The following MYH11 variants were observed in gnomAD, a reference collection of about 807,000 sequenced individuals.
MYH11 encodes myosin heavy chain 11.
MYH11 carries 80 observed loss-of-function variants against 246.6 expected under a neutral mutation model. That is an observed-to-expected ratio of 0.32 (90% CI 0.27 to 0.39). MYH11 has a LOEUF of 0.39. Ranked by LOEUF, MYH11 falls within the 10% of genes least tolerant of loss-of-function variation. The probability of loss-of-function intolerance (pLI) is 1.00; values close to 1 mark genes in which losing one functional copy is unlikely to be tolerated. For synonymous variants in MYH11, 1,071 were observed against 1,015.5 expected (o/e 1.05, Z -1.04); for missense variants, 2,158 against 2,546.8 (o/e 0.85, Z 3.29).
chr16:15,817,519 A>AGG (rs144792783), intron 3 of MYH11, among the ~76,000 whole-genome samples: 4 of 152,108 alleles, frequency 2.6e-5, no homozygotes, highest in African/African-American at 7.2e-5. Flanking sequence ...TCAAAAAAAA[A>AGG]GGGGGGGAGA....
At chr16:15,792,017 T>C (rs987115387) in intron 4 of MYH11, 2 of 152,204 alleles carry the variant, frequency 1.3e-5, no homozygotes, top group Non-Finnish European at 2.9e-5. Flanking sequence ...AACATTTATA[T>C]AAAATGCTTA....
chr16:15,827,853 G>T lies in MYH11; in HGVS notation c.346-4442C>A, dbSNP rs1366559220. 3.3e-5 allele frequency among the ~76,000 whole-genome samples: 5 copies of T among 152,178 alleles called. No individual in the cohort carries two copies. In the South Asian group the frequency reaches 1.0e-3, roughly 32 times the overall value. On this transcript the variant is annotated intron_variant, in intron 2 of 40. Transcript: ENST00000300036. ...CCAGGGGCTATTTCCTGTTCAATCAGTGTCCCCTGTCCCCAGGACAAGCCT... is the reference window on the plus strand; with the variant it reads ...CCAGGGGCTATTTCCTGTTCAATCATTGTCCCCTGTCCCCAGGACAAGCCT...
chr16:15,721,228 C>A (rs894807080), intron 32 of MYH11, 177 bp from the exon 33 acceptor site: 2 of 932,630 alleles, frequency 2.1e-6, no homozygotes, highest in Non-Finnish European at 3.3e-6. Context: ...ATCCTCGGAC[C>A]CCCCAACTCA....
intron 4 of MYH11, among the ~76,000 whole-genome samples, chr16:15,796,882 A>G (rs996113862): frequency 6.6e-6 from 1 of 152,210 alleles, no homozygotes; most frequent in African/African-American, 2.4e-5. Flanking sequence ...TTGTTTTAGC[A>G]TTTATATCCT....
intron 9 of MYH11, among the ~76,000 whole-genome samples, chr16:15,767,615 C>A (rs905487335): frequency 6.6e-5 from 10 of 152,108 alleles, no homozygotes; most frequent in Admixed American, 1.3e-4. Flanking sequence ...AACCACCGCG[C>A]CCAGCCTGAA....
chr16:15,746,813 C>T (rs1407331023), intron 19 of MYH11, among the ~76,000 whole-genome samples: 2 of 152,160 alleles, frequency 1.3e-5, no homozygotes, highest in South Asian at 2.1e-4. Flanking sequence ...CTAGGCTGGG[C>T]GCAGTGGGTC....
rs573324211 is a variant in MYH11, at chr16:15,854,762, C to T, written c.-18+2179G>A. On this transcript the variant is annotated intron_variant, in intron 1 of 40. Transcript: ENST00000300036. ...CTATATATCTGCTCTTGGAATTACACGCTTGTGCCTAACGTGGAAGACCCA... is the reference window on the plus strand; with the variant it reads ...CTATATATCTGCTCTTGGAATTACATGCTTGTGCCTAACGTGGAAGACCCA... 3.9e-5 allele frequency among the ~76,000 whole-genome samples: 6 copies of T among 152,266 alleles called. No homozygotes were observed. The East Asian group carries it at 9.7e-4, about 25-fold the overall frequency.
chr16:15,798,796 G>T, intron 3 of MYH11, 109 bp from the exon 4 acceptor site: 1 of 1,194,790 alleles, frequency 8.4e-7, no homozygotes, highest in Non-Finnish European at 1.2e-6. Context: ...TCTCCATGCT[G>T]GCCTCATTGG....
At chr16:15,740,804 A>G (rs961968574) in intron 22 of MYH11, among the ~76,000 whole-genome samples, 2 of 152,170 alleles carry the variant, frequency 1.3e-5, no homozygotes, top group African/African-American at 4.8e-5. Flanking sequence ...TAACAACAAC[A>G]ACAAAAATCA....
intron 40 of MYH11, among the ~76,000 whole-genome samples, chr16:15,705,482 C>T (rs1488457992): frequency 6.6e-6 from 1 of 152,204 alleles, no homozygotes; most frequent in East Asian, 1.9e-4. Flanking sequence ...CCAGCCTTCA[C>T]CGTTCAGAAG....
At chr16:15,842,762 CAAAAAAAAAAAAAAAA>C (rs757920488) in intron 1 of MYH11, among the ~76,000 whole-genome samples, 5 of 19,642 alleles carry the variant, frequency 2.5e-4, no homozygotes, top group Admixed American at 2.4e-3. Flanking sequence ...AGACTTCATC[CAAAAAAAAAAAAAAAA>C]AAAAAAAAAA....
chr16:15,757,318 G>C (rs923865877), intron 13 of MYH11, among the ~76,000 whole-genome samples: 2 of 150,480 alleles, frequency 1.3e-5, no homozygotes, highest in Non-Finnish European at 3.0e-5. Context: ...CACCAGGCCC[G>C]GCTAATTAGT....
At chr16:15,844,934 T>C (rs995719249) in intron 1 of MYH11, among the ~76,000 whole-genome samples, 5 of 152,202 alleles carry the variant, frequency 3.3e-5, no homozygotes, top group African/African-American at 1.2e-4. Flanking sequence ...TGAGCCTAAA[T>C]AAAGTACAAG....
At chr16:15,726,638 G>A in intron 28 of MYH11, 1 of 641,600 alleles carries the variant, frequency 1.6e-6, no homozygotes, top group Non-Finnish European at 2.8e-6. Flanking sequence ...AAAGTGCTGG[G>A]ATTACAGGCA....
At chr16:15,818,111 T>C (rs1487145211) in intron 3 of MYH11, among the ~76,000 whole-genome samples, 1 of 152,204 alleles carries the variant, frequency 6.6e-6, no homozygotes, top group African/African-American at 2.4e-5. Flanking sequence ...TGCTTCATCT[T>C]ATATTCAGTG....
rs544955792 is a variant in MYH11, at chr16:15,727,362, G to A, written c.3652-308C>T. On this transcript the variant is annotated intron_variant, in intron 27 of 40. Transcript: ENST00000300036. ...ATTACAGGCGCCCGCCACCATGCCCGACTAATTTTTGTATTTTTAGTAGAG... is the reference window on the plus strand; with the variant it reads ...ATTACAGGCGCCCGCCACCATGCCCAACTAATTTTTGTATTTTTAGTAGAG... Among the ~76,000 whole-genome samples, 385 of 152,072 alleles carry A rather than the reference G, an allele frequency of 2.5e-3. 2 individuals carry two copies. Among genetic ancestry groups the A allele is most frequent in the Non-Finnish European group, 4.3e-3 (292 of 67,982 alleles).
chr16:15,833,140 C>T (rs751932480), intron 2 of MYH11, among the ~76,000 whole-genome samples: 14 of 150,556 alleles, frequency 9.3e-5, no homozygotes, highest in Admixed American at 2.7e-4. Flanking sequence ...CTACCAAAAA[C>T]ACAAAAAAAT....
intron 9 of MYH11, among the ~76,000 whole-genome samples, chr16:15,764,312 C>T (rs2041933896): frequency 6.6e-6 from 1 of 152,102 alleles, no homozygotes; most frequent in Admixed American, 6.5e-5. Flanking sequence ...TGCCACAGAA[C>T]AGTGAGAATG....
At chr16:15,704,220 A>G (rs2039331175) in intron 40 of MYH11, 97 bp from the exon 41 acceptor site, 1 of 1,445,412 alleles carries the variant, frequency 6.9e-7, no homozygotes, top group South Asian at 1.2e-5. Flanking sequence ...CTATAGTCCT[A>G]TTGCAATATA....
Sources: allele counts gnomAD v4.1 joint callset (sites outside exome capture counted in the v4.1 genomes callset), GRCh38; gene constraint gnomAD v4.1.1; transcripts MANE v1.5; gene names NCBI Gene and HGNC (gene_info 2026-07-23, HGNC 2026-07-21).